Variants in NIPBL observed in about 807,000 individuals in gnomAD.
NIPBL encodes NIPBL cohesin loading factor.
In NIPBL, 19 loss-of-function variants were observed where a neutral mutation model predicts 321.8. The ratio of observed to expected loss-of-function variants is 0.06; its 90% CI spans 0.04 to 0.09. NIPBL has a LOEUF of 0.09. NIPBL is among the 10% of genes least tolerant of loss of function. The probability of loss-of-function intolerance (pLI) is 1.00; values close to 1 mark genes in which losing one functional copy is unlikely to be tolerated. For missense variants in NIPBL, 2,210 were observed against 3,327.0 expected, an observed-to-expected ratio of 0.66 and a Z score of 8.26; for synonymous variants, 1,106 against 1,114.1, an observed-to-expected ratio of 0.99 and a Z score of 0.14.
chr5:36,933,127 CCTTT>C (rs1221932243), intron 1 of NIPBL, among the ~76,000 whole-genome samples: 1 of 151,814 alleles, frequency 6.6e-6, no homozygotes, highest in African/African-American at 2.4e-5. Context: ...AAAAACTCTT[CCTTT>C]AATAAAGTTT....
At chr5:37,060,612 C>T (rs571346575) in intron 44 of NIPBL, among the ~76,000 whole-genome samples, 1 of 151,920 alleles carries the variant, frequency 6.6e-6, no homozygotes, top group Admixed American at 6.6e-5. Context: ...TCATTCTGGC[C>T]ACTATATAGA....
rs573327602 is a variant in NIPBL at position 36,890,993 on chromosome 5, C to T, written c.-80+13815C>T. Among the ~76,000 whole-genome samples the T allele has an allele frequency of 2.6e-5, 4 of 152,154 alleles. No homozygotes were observed. In the South Asian group the frequency reaches 6.2e-4, roughly 24 times the overall value. ...GAAATAAAAGACTTCAGGCCGGGCA[C>T]GGTGGCTCACGCTTGTAATCCCAGC... On this transcript the variant is annotated intron_variant, in intron 1 of 46. Transcript: ENST00000282516.
At chr5:36,911,091 C>A (rs1054599769) in intron 1 of NIPBL, among the ~76,000 whole-genome samples, 7 of 152,190 alleles carry the variant, frequency 4.6e-5, no homozygotes, top group Admixed American at 4.6e-4. Context: ...CTGCAGAAAT[C>A]TGTAGAAACC....
At chr5:37,036,131 T>C (rs1349430784) in intron 32 of NIPBL, among the ~76,000 whole-genome samples, 2 of 151,912 alleles carry the variant, frequency 1.3e-5, no homozygotes, top group Non-Finnish European at 2.9e-5. Context: ...TTAAGTACTT[T>C]GTAGTAAAAT....
At chr5:37,031,436 G>C (rs1751006264) in intron 32 of NIPBL, among the ~76,000 whole-genome samples, 1 of 152,084 alleles carries the variant, frequency 6.6e-6, no homozygotes, top group East Asian at 1.9e-4. Context: ...ACTCCAGTTA[G>C]TTTAAACCAC....
chr5:36,993,078 G>A (rs1745734741), intron 10 of NIPBL, among the ~76,000 whole-genome samples: 1 of 152,080 alleles, frequency 6.6e-6, no homozygotes, highest in African/African-American at 2.4e-5. Flanking sequence ...CAACCTGGCG[G>A]AGTCCATTTA....
intron 1 of NIPBL, among the ~76,000 whole-genome samples, chr5:36,905,043 AGTGAAAAAT>A (rs1254911273): frequency 6.6e-6 from 1 of 152,202 alleles, no homozygotes; most frequent in Non-Finnish European, 1.5e-5. Flanking sequence ...GTGATGCAAA[AGTGAAAAAT>A]TCGACAAAAA....
chr5:36,979,283 T>C (rs1048371064), intron 9 of NIPBL, among the ~76,000 whole-genome samples: 10 of 152,018 alleles, frequency 6.6e-5, no homozygotes, highest in African/African-American at 2.4e-4. Flanking sequence ...TTTGTAGTTG[T>C]CCTTGTAAAG....
chr5:37,020,121 A>T (rs1382437202), intron 25 of NIPBL, among the ~76,000 whole-genome samples: 1 of 152,224 alleles, frequency 6.6e-6, no homozygotes, highest in Non-Finnish European at 1.5e-5. Context: ...AATTTGTTTT[A>T]AACTTTCCTA....
intron 20 of NIPBL, 26 bp from the exon 21 acceptor site, chr5:37,010,061 A>T: frequency 1.3e-6 from 2 of 1,558,410 alleles, no homozygotes; most frequent in Non-Finnish European, 1.8e-6. Context: ...TTGATACTCC[A>T]TACAAATTTT....
intron 1 of NIPBL, among the ~76,000 whole-genome samples, chr5:36,895,728 T>C (rs1441677589): frequency 6.6e-6 from 1 of 152,228 alleles, no homozygotes; most frequent in Non-Finnish European, 1.5e-5. Flanking sequence ...AACACCTTTT[T>C]ATGTGCTTAT....
intron 1 of NIPBL, among the ~76,000 whole-genome samples, chr5:36,883,817 C>T (rs1745679890): frequency 6.6e-6 from 1 of 150,764 alleles, no homozygotes; most frequent in Non-Finnish European, 1.5e-5. Flanking sequence ...CTATGTAATT[C>T]AGTTTTTTTT....
At position 37,014,775 on chromosome 5, in the gene NIPBL, A is replaced by T. The variant is rs2149688689; in HGVS notation, c.4643+10A>T. ...CCATCTTCCTTAAAAAGTGAGTAAA[A>T]TTAATATAAATCTGGTTTTTCTTTT... On this transcript the variant is annotated intron_variant, in intron 22 of 46. Transcript: ENST00000282516. 1 of 1,501,442 alleles carries T rather than the reference A, an allele frequency of 6.7e-7. No homozygotes were observed. 93.0% of individuals were successfully genotyped at this position (1,501,442 alleles called of 1,614,324 possible).
At chr5:36,910,841 G>C (rs1223436060) in intron 1 of NIPBL, among the ~76,000 whole-genome samples, 1 of 152,190 alleles carries the variant, frequency 6.6e-6, no homozygotes, top group Non-Finnish European at 1.5e-5. Flanking sequence ...AAAACTAGGA[G>C]AGAGATTGTA....
intron 10 of NIPBL, among the ~76,000 whole-genome samples, chr5:36,987,129 C>T (rs1270653605): frequency 2.0e-5 from 3 of 152,170 alleles, no homozygotes; most frequent in African/African-American, 7.2e-5. Context: ...ATCCTCTCCT[C>T]TCAGCCTCCC....
At chr5:37,030,368 A>G (rs1234366584) in intron 32 of NIPBL, among the ~76,000 whole-genome samples, 2 of 152,190 alleles carry the variant, frequency 1.3e-5, no homozygotes, top group Admixed American at 1.3e-4. Flanking sequence ...TTAGTGAAAG[A>G]AAGCAAACTC....
At chr5:36,933,460 A>G (rs975242630) in intron 1 of NIPBL, among the ~76,000 whole-genome samples, 34 of 152,136 alleles carry the variant, frequency 2.2e-4, no homozygotes, top group Non-Finnish European at 5.9e-5. Flanking sequence ...ATCTGATGAG[A>G]TATAGTTCTA....
In NIPBL at chr5:36,956,405, A is replaced by G. The variant is rs543603535; in HGVS notation, c.230+768A>G. ...ATTTAAAAATTCATCATGTAGGGGA[A>G]TGAGGATAAACACATTATAATGGAG... is the stretch of plus-strand genomic sequence containing the variant. On this transcript the variant is annotated intron_variant, in intron 3 of 46. Transcript: ENST00000282516. Among the ~76,000 whole-genome samples the G allele has an allele frequency of 5.3e-5, 8 of 152,086 alleles. No homozygotes were observed. The South Asian group carries it at 1.5e-3, about 28-fold the overall frequency.
intron 20 of NIPBL, among the ~76,000 whole-genome samples, chr5:37,009,320 C>T (rs1747821449): frequency 6.6e-6 from 1 of 152,050 alleles, no homozygotes; most frequent in Non-Finnish European, 1.5e-5. Context: ...ACTAAGCACA[C>T]TGTTAATAAG....
Sources: allele counts gnomAD v4.1 joint callset (sites outside exome capture counted in the v4.1 genomes callset), GRCh38; gene constraint gnomAD v4.1.1; transcripts MANE v1.5; gene names NCBI Gene and HGNC (gene_info 2026-07-23, HGNC 2026-07-21).